The following ADAMTS12 variants were observed in gnomAD, a reference collection of about 807,000 sequenced individuals.
The protein encoded by ADAMTS12 is ADAM metallopeptidase with thrombospondin type 1 motif 12.
In ADAMTS12, 118 loss-of-function variants were observed where a neutral mutation model predicts 167.8. The observed-to-expected ratio is 0.70, with a 90% CI of 0.61 to 0.82. The LOEUF is 0.82. Ranked by LOEUF, ADAMTS12 falls within the 40% of genes least tolerant of loss-of-function variation. The pLI is 0.00. For synonymous variants in ADAMTS12, 704 were observed against 716.9 expected (o/e 0.98, Z 0.29); for missense variants, 1,916 against 1,998.8 (o/e 0.96, Z 0.79).
chr5:33,537,070 C>T (rs1229958238), intron 22 of ADAMTS12, among the ~76,000 whole-genome samples: 1 of 152,212 alleles, frequency 6.6e-6, no homozygotes, highest in Non-Finnish European at 1.5e-5. Context: ...TTGATCCAAT[C>T]TGCCATAATG....
At chr5:33,635,975 G>C (rs1725618692) in intron 12 of ADAMTS12, among the ~76,000 whole-genome samples, 1 of 152,218 alleles carries the variant, frequency 6.6e-6, no homozygotes, top group Non-Finnish European at 1.5e-5. Context: ...ATCTGAGTTA[G>C]AGAAGCAAAT....
At chr5:33,817,622 C>A (rs1353989541) in intron 2 of ADAMTS12, among the ~76,000 whole-genome samples, 1 of 152,074 alleles carries the variant, frequency 6.6e-6, no homozygotes, top group Non-Finnish European at 1.5e-5. Flanking sequence ...CAAACCACAT[C>A]CTGGATTATT....
chr5:33,524,791 C>T lies in ADAMTS12; in HGVS notation c.*2397G>A, dbSNP rs559283075. On this transcript the variant is annotated 3_prime_UTR_variant, in exon 24 of 24. Coordinates refer to ENST00000504830, the MANE Select transcript of ADAMTS12 (RefSeq NM_030955.4). Reference sequence around the variant, plus strand: ...GCTGTCTTACAACATAGCTCCAGAACAGGAAGCAAATATCCATGGCAAATA... The same window carrying T: ...GCTGTCTTACAACATAGCTCCAGAATAGGAAGCAAATATCCATGGCAAATA... 1.3e-5 allele frequency: 2 copies of T among 152,342 alleles called. No individual in the cohort carries two copies. Among genetic ancestry groups the T allele is most frequent in the South Asian group, 4.1e-4 (2 of 4,832 alleles). The allele number at this position is 152,342 out of a possible 1,614,324, so 9.4% of individuals were successfully genotyped here.
intron 3 of ADAMTS12, among the ~76,000 whole-genome samples, chr5:33,699,686 G>GT (rs771740183): frequency 2.6e-5 from 4 of 152,076 alleles, no homozygotes; most frequent in South Asian, 2.1e-4. Flanking sequence ...CCAGATTGTT[G>GT]TACACATTAA....
intron 22 of ADAMTS12, among the ~76,000 whole-genome samples, chr5:33,544,985 G>T (rs1445034492): frequency 7.9e-5 from 12 of 152,278 alleles, no homozygotes; most frequent in South Asian, 6.2e-4. Context: ...AAAAGCAATG[G>T]CAACAAAAGC....
intron 22 of ADAMTS12, among the ~76,000 whole-genome samples, chr5:33,536,545 G>A (rs547407584): frequency 4.9e-4 from 74 of 152,222 alleles, no homozygotes; most frequent in Non-Finnish European, 9.3e-4. Context: ...TTGAGAACAA[G>A]GGCAAATGTA....
intron 20 of ADAMTS12, among the ~76,000 whole-genome samples, chr5:33,550,484 G>A (rs927247921): frequency 2.6e-5 from 4 of 152,100 alleles, no homozygotes; most frequent in Non-Finnish European, 4.4e-5. Flanking sequence ...GCTAACATCT[G>A]TGCTCGTCAG....
chr5:33,722,372 G>C (rs1020073340), intron 3 of ADAMTS12, among the ~76,000 whole-genome samples: 1 of 152,154 alleles, frequency 6.6e-6, no homozygotes, highest in Non-Finnish European at 1.5e-5. Context: ...ATTAGTGTTA[G>C]TATTGTTCTA....
intron 11 of ADAMTS12, 31 bp from the exon 12 acceptor site, chr5:33,637,777 A>G (rs1740267140): frequency 6.2e-7 from 1 of 1,607,936 alleles, no homozygotes; most frequent in Non-Finnish European, 8.5e-7. Context: ...CTTTTCTTTT[A>G]GTTTGCTTCA....
At chr5:33,754,516 T>A (rs1370283196) in intron 2 of ADAMTS12, among the ~76,000 whole-genome samples, 1 of 152,202 alleles carries the variant, frequency 6.6e-6, no homozygotes, top group Non-Finnish European at 1.5e-5. Context: ...AACTGTCTTT[T>A]GGAAATAAAC....
At chr5:33,562,242 T>G (rs1469066063) in intron 19 of ADAMTS12, among the ~76,000 whole-genome samples, 1 of 152,210 alleles carries the variant, frequency 6.6e-6, no homozygotes, top group Non-Finnish European at 1.5e-5. Context: ...AGCATGATGC[T>G]TTTCATCCCT....
chr5:33,630,073 C>T (rs1274991735), intron 13 of ADAMTS12, among the ~76,000 whole-genome samples: 1 of 152,142 alleles, frequency 6.6e-6, no homozygotes. Flanking sequence ...TTCTAAAACC[C>T]CAGTGCTAAA....
chr5:33,798,313 A>G (rs1168326722), intron 2 of ADAMTS12, among the ~76,000 whole-genome samples: 1 of 152,050 alleles, frequency 6.6e-6, no homozygotes, highest in Non-Finnish European at 1.5e-5. Flanking sequence ...CTGGAAGTAC[A>G]AGATCAAGGT....
intron 20 of ADAMTS12, among the ~76,000 whole-genome samples, chr5:33,551,386 G>C (rs1745248471): frequency 6.6e-6 from 1 of 152,118 alleles, no homozygotes; most frequent in Non-Finnish European, 1.5e-5. Context: ...CTTCCCAAAA[G>C]TGCAAATTAA....
intron 20 of ADAMTS12, among the ~76,000 whole-genome samples, chr5:33,553,141 A>T (rs886308368): frequency 2.6e-5 from 4 of 152,248 alleles, no homozygotes; most frequent in African/African-American, 9.6e-5. Flanking sequence ...TCATTAGAGA[A>T]ATGCAAATCA....
chr5:33,759,852 G>C (rs762288189), intron 2 of ADAMTS12, among the ~76,000 whole-genome samples: 3 of 152,278 alleles, frequency 2.0e-5, no homozygotes, highest in Middle Eastern at 3.4e-3. Context: ...GGAAGAGTAA[G>C]TCATTGATAG....
intron 2 of ADAMTS12, among the ~76,000 whole-genome samples, chr5:33,785,774 A>C (rs10069386): frequency 0.05 from 7,651 of 152,282 alleles, 684 homozygotes; most frequent in African/African-American, 0.18. Flanking sequence ...TCAAAAGACT[A>C]ACATAGACAT....
Position 33,661,947 on chromosome 5 carries a change from C to G in ADAMTS12, c.1009G>C (p.Val337Leu). 1 of 1,613,438 alleles carries G rather than the reference C, an allele frequency of 6.2e-7. No individual in the cohort carries two copies. The highest frequency in any genetic ancestry group is 8.5e-7 in the Non-Finnish European group (1 of 1,179,600). Residue 337 changes from valine (V) to leucine (L), a missense_variant, in exon 6 of 24, where the codon GTT (valine) becomes CTT (leucine). Transcript: ENST00000504830. ...SINPKSDLNP[V>L]HHDVAVLLTR... ...AGAAGGACAGCCACGTCGTGATGAA[C>G]AGGATTGAGGTCACTCTTGGGATTG...
chr5:33,801,632 C>A (rs1483386152), intron 2 of ADAMTS12, among the ~76,000 whole-genome samples: 1 of 152,206 alleles, frequency 6.6e-6, no homozygotes, highest in Non-Finnish European at 1.5e-5. Flanking sequence ...AAAACAAACT[C>A]ATTCATTATA....
Sources: gnomAD v4.1 joint callset for allele counts (sites outside exome capture counted in the v4.1 genomes callset) on GRCh38, gnomAD v4.1.1 for gene constraint, MANE v1.5 for transcripts, NCBI Gene and HGNC (gene_info 2026-07-23, HGNC 2026-07-21) for gene names.